The following SLC35D4 variants were observed in gnomAD, a reference collection of about 807,000 sequenced individuals.
SLC35D4 encodes solute carrier family 35 member D4.
chr18:23,436,365 T>G, the SLC35D4 span, among the ~76,000 whole-genome samples: 1 of 151,904 alleles, frequency 6.6e-6, no homozygotes, highest in Non-Finnish European at 1.5e-5. Context: ...TGTCCCATCT[T>G]AAAGTTAAGA....
chr18:23,280,211 T>TGC, the SLC35D4 span, among the ~76,000 whole-genome samples: 2 of 152,250 alleles, frequency 1.3e-5, no homozygotes, highest in African/African-American at 4.8e-5. Flanking sequence ...TGGGCGTGTG[T>TGC]GCGCGCAGCC....
At chr18:23,434,858 A>G in the SLC35D4 span, among the ~76,000 whole-genome samples, 4,038 of 151,988 alleles carry the variant, frequency 0.027, 60 homozygotes, top group Middle Eastern at 0.061. Flanking sequence ...AAGTGCCACA[A>G]ATGAAAATGT....
chr18:23,317,412 C>A, the SLC35D4 span, among the ~76,000 whole-genome samples: 1 of 152,274 alleles, frequency 6.6e-6, no homozygotes, highest in South Asian at 2.1e-4. Context: ...AACAAGGCAT[C>A]ATGATCACTA....
At chr18:23,284,370 A>G in the SLC35D4 span, among the ~76,000 whole-genome samples, 6 of 152,144 alleles carry the variant, frequency 3.9e-5, no homozygotes, top group Non-Finnish European at 7.4e-5. Flanking sequence ...GACCCCCACA[A>G]TTCCCCTTAT....
the SLC35D4 span, among the ~76,000 whole-genome samples, chr18:23,283,643 C>T: frequency 1.3e-5 from 2 of 151,632 alleles, no homozygotes; most frequent in Non-Finnish European, 2.9e-5. Flanking sequence ...AACCCCGTCT[C>T]TACTAAAAAT....
the SLC35D4 span, among the ~76,000 whole-genome samples, chr18:23,268,820 G>C: frequency 6.6e-6 from 1 of 152,034 alleles, no homozygotes; most frequent in South Asian, 2.1e-4. Context: ...GTGTGTGTGT[G>C]TGTGTATACA....
chr18:23,280,944 C>T, the SLC35D4 span, among the ~76,000 whole-genome samples: 1 of 152,138 alleles, frequency 6.6e-6, no homozygotes, highest in Non-Finnish European at 1.5e-5. Flanking sequence ...AGGACTCCCA[C>T]CCACGCCTCT....
At chr18:23,295,396 T>C in the SLC35D4 span, among the ~76,000 whole-genome samples, 1 of 151,948 alleles carries the variant, frequency 6.6e-6, no homozygotes, top group East Asian at 1.9e-4. Flanking sequence ...TAGAGACTCT[T>C]CAAAGTGAGA....
the SLC35D4 span, among the ~76,000 whole-genome samples, chr18:23,272,846 A>G: frequency 6.6e-6 from 1 of 152,202 alleles, no homozygotes; most frequent in Non-Finnish European, 1.5e-5. Context: ...TTTGCTCTTG[A>G]AGCGTTGGAC....
At chr18:23,254,080 A>AGGCTTC in the SLC35D4 span, 3 of 671,182 alleles carry the variant, frequency 4.5e-6, no homozygotes, top group South Asian at 5.5e-5. Context: ...AGTCTTTCCC[A>AGGCTTC]TAGTGGGAAT....
the SLC35D4 span, chr18:23,376,850 C>T: frequency 2.2e-6 from 1 of 456,692 alleles, no homozygotes; most frequent in Non-Finnish European, 4.4e-6. Flanking sequence ...GTATCATGAG[C>T]TTTACCGCCT....
chr18:23,260,430 C>T, the SLC35D4 span: 2 of 152,248 alleles, frequency 1.3e-5, no homozygotes, highest in Admixed American at 1.3e-4. Flanking sequence ...CTTCCTGTTC[C>T]CTTCATTCCC....
the SLC35D4 span, among the ~76,000 whole-genome samples, chr18:23,334,027 T>C: frequency 1.3e-5 from 2 of 152,318 alleles, no homozygotes; most frequent in East Asian, 3.9e-4. Context: ...CACAGGCTGA[T>C]AGAGCAGGTG....
At chr18:23,268,111 T>C in the SLC35D4 span, among the ~76,000 whole-genome samples, 2 of 152,178 alleles carry the variant, frequency 1.3e-5, no homozygotes, top group African/African-American at 4.8e-5. Flanking sequence ...CCATAGTGAA[T>C]AAAATAATTT....
the SLC35D4 span, among the ~76,000 whole-genome samples, chr18:23,376,161 C>T: frequency 6.6e-6 from 1 of 152,252 alleles, no homozygotes; most frequent in Non-Finnish European, 1.5e-5. Flanking sequence ...CTCCCACCAA[C>T]ACAGATTCTG....
the SLC35D4 span, among the ~76,000 whole-genome samples, chr18:23,247,428 A>G: frequency 2.0e-5 from 3 of 152,306 alleles, no homozygotes; most frequent in African/African-American, 7.2e-5. Flanking sequence ...CTCAAGATGC[A>G]GCTTATGTGC....
the SLC35D4 span, among the ~76,000 whole-genome samples, chr18:23,241,025 C>T: frequency 1.3e-5 from 2 of 152,158 alleles, no homozygotes; most frequent in African/African-American, 4.8e-5. Flanking sequence ...GCAGAAAGTT[C>T]TCCTCCCCAT....
chr18:23,326,593 A>G, the SLC35D4 span, among the ~76,000 whole-genome samples: 3 of 152,188 alleles, frequency 2.0e-5, no homozygotes, highest in African/African-American at 7.2e-5. Flanking sequence ...ACTCCCACAC[A>G]ATAATAATGG....
At chr18:23,280,172 T>C in the SLC35D4 span, among the ~76,000 whole-genome samples, 1 of 151,840 alleles carries the variant, frequency 6.6e-6, no homozygotes, top group Non-Finnish European at 1.5e-5. Flanking sequence ...GGGGCTGAGC[T>C]TGTGCTTGCA....
Sources: gnomAD v4.1 joint callset for allele counts (sites outside exome capture counted in the v4.1 genomes callset) on GRCh38, gnomAD v4.1.1 for gene constraint, MANE v1.5 for transcripts, NCBI Gene and HGNC (gene_info 2026-07-23, HGNC 2026-07-21) for gene names.